The following CCNK variants were observed in gnomAD, a reference collection of about 807,000 sequenced individuals.
CCNK encodes cyclin-K.
Under a neutral mutation model 65.0 loss-of-function variants are expected in CCNK, and 9 were observed. The observed-to-expected ratio is 0.14, with a 90% CI of 0.08 to 0.24. The LOEUF (loss-of-function observed/expected upper bound fraction) is 0.24, where lower values mean the gene tolerates loss of function less well. Among genes scored for constraint, CCNK ranks in the 10% least tolerant of loss-of-function variants. CCNK has a pLI of 1.00. For synonymous variants in CCNK, 279 were observed against 270.8 expected (o/e 1.03, Z -0.30); for missense variants, 474 against 720.0 (o/e 0.66, Z 3.91).
intron 10 of CCNK, chr14:99,507,438 A>T (rs1459870399): frequency 9.9e-6 from 4 of 402,560 alleles, no homozygotes; most frequent in Non-Finnish European, 1.9e-5. Context: ...GGTAGCACAC[A>T]CCTGTAGTCC....
At chr14:99,481,853 A>T (rs977739419) in intron 1 of CCNK, among the ~76,000 whole-genome samples, 1 of 152,262 alleles carries the variant, frequency 6.6e-6, no homozygotes, top group South Asian at 2.1e-4. Context: ...TTCGCGGCGT[A>T]TTAGTCCCAA....
At chr14:99,489,179 G>A (rs989493020) in intron 1 of CCNK, among the ~76,000 whole-genome samples, 3 of 151,976 alleles carry the variant, frequency 2.0e-5, no homozygotes, top group African/African-American at 7.3e-5. Flanking sequence ...TTCAGTTAAA[G>A]TTTAACATTA....
Position 99,511,069 on chromosome 14 carries a change from C to T in CCNK, c.*287C>T, listed in dbSNP as rs910314656. 3.7e-6 allele frequency: 1 copy of T among 271,296 alleles called. No homozygotes were observed. The highest frequency in any genetic ancestry group is 6.9e-6 in the Non-Finnish European group (1 of 145,424). 16.8% of individuals were successfully genotyped at this position (271,296 alleles called of 1,614,324 possible). A position where few individuals can be genotyped will look rare whatever the true frequency, so the allele number is the denominator to read the frequency against. On this transcript the variant is annotated 3_prime_UTR_variant, in exon 11 of 11. Transcript: ENST00000389879. The stretch of plus-strand genomic sequence containing the variant: ...CTGGGTTACTTTATACTAGTGAGGA[C>T]GTTAACCAGCCATATTGGCTCAATA...
chr14:99,509,919 G>C, intron 10 of CCNK: 1 of 589,914 alleles, frequency 1.7e-6, no homozygotes, highest in Non-Finnish European at 3.0e-6. Context: ...GGTGTGGTCA[G>C]GGCTGAGGGA....
At chr14:99,503,783 G>T in intron 9 of CCNK, 139 bp downstream of exon 9, 1 of 683,522 alleles carries the variant, frequency 1.5e-6, no homozygotes, top group Non-Finnish European at 2.5e-6. Context: ...TTTTCCATCA[G>T]CATTGTCTTT....
intron 1 of CCNK, among the ~76,000 whole-genome samples, chr14:99,490,860 G>C (rs934093760): frequency 6.6e-6 from 1 of 151,318 alleles, no homozygotes; most frequent in Non-Finnish European, 1.5e-5. Context: ...CCCAGGAGGT[G>C]GAGCTTGCAG....
chr14:99,496,788 C>T (rs1412262965), intron 4 of CCNK, among the ~76,000 whole-genome samples: 2 of 151,516 alleles, frequency 1.3e-5, no homozygotes, highest in African/African-American at 4.9e-5. Context: ...TGGCACGCAC[C>T]TGTAGTCCCA....
Position 99,510,251 on chromosome 14 carries a change from G to A in CCNK, c.1212G>A (p.Pro404=), listed in dbSNP as rs1412248713. ...TDLPKVQIPP[P]AHPAPVHQPP... ...TCCCCAAAGTCCAGATTCCCCCTCC[G>A]GCCCACCCGGCCCCTGTGCACCAGC... Residue 404 remains proline, a synonymous_variant, in exon 11 of 11, where the codon CCG becomes CCA. Coordinates refer to ENST00000389879, the MANE Select transcript of CCNK (RefSeq NM_001099402.2). The A allele has an allele frequency of 1.5e-5, 22 of 1,503,632 alleles. No individual in the cohort carries two copies. The highest frequency in any genetic ancestry group is 2.4e-5 in the South Asian group (2 of 82,466). 93.1% of individuals were successfully genotyped at this position (1,503,632 alleles called of 1,614,324 possible).
intron 3 of CCNK, chr14:99,494,006 C>A: frequency 6.4e-6 from 1 of 157,340 alleles, no homozygotes; most frequent in Admixed American, 6.3e-5. Context: ...AGCTTTCAGT[C>A]CAGGATAAGT....
intron 1 of CCNK, among the ~76,000 whole-genome samples, chr14:99,486,825 G>T (rs775500612): frequency 2.6e-5 from 4 of 152,050 alleles, no homozygotes; most frequent in Non-Finnish European, 5.9e-5. Flanking sequence ...TCCTCTTTCT[G>T]CATACCTCTA....
Position 99,503,022 on chromosome 14 carries a change from T to C in CCNK, c.1011+38T>C, listed in dbSNP as rs780030047. Reference sequence around the variant, plus strand: ...AAGCAGGCCCTGGGTAGAGCAGGCTTTCCAGGTGGCGGCAACACCTGAGCA... The same window carrying C: ...AAGCAGGCCCTGGGTAGAGCAGGCTCTCCAGGTGGCGGCAACACCTGAGCA... On this transcript the variant is annotated intron_variant, in intron 8 of 10. Coordinates refer to ENST00000389879, the MANE Select transcript of CCNK (RefSeq NM_001099402.2). 8 of 1,611,024 alleles carry C rather than the reference T, an allele frequency of 5.0e-6. No individual in the cohort carries two copies. In the South Asian group the frequency reaches 7.7e-5, roughly 15 times the overall value.
rs935202664 is a variant in CCNK, at chr14:99,512,008, A to C, written c.*1226A>C. ...GCCTGCTGACCCTGCCACCCACGAC[A>C]GAAACAAGCACTGAGCACCCAGCCA... On this transcript the variant is annotated 3_prime_UTR_variant, in exon 11 of 11. Coordinates refer to ENST00000389879, the MANE Select transcript of CCNK (RefSeq NM_001099402.2). 1 of 152,412 alleles carries C rather than the reference A, an allele frequency of 6.6e-6. No individual in the cohort carries two copies. The highest frequency in any genetic ancestry group is 1.9e-4 in the East Asian group (1 of 5,188). 9.4% of individuals were successfully genotyped at this position (152,412 alleles called of 1,614,324 possible).
intron 9 of CCNK, chr14:99,503,959 A>C: frequency 2.2e-5 from 8 of 365,354 alleles, no homozygotes; most frequent in East Asian, 1.4e-4. Context: ...ATTTACCCCC[A>C]TCACAGCAGC....
chr14:99,488,974 T>C (rs1896547079), intron 1 of CCNK, among the ~76,000 whole-genome samples: 1 of 151,944 alleles, frequency 6.6e-6, no homozygotes, highest in Non-Finnish European at 1.5e-5. Context: ...TTGATAAGCT[T>C]TGATTAGTCT....
At chr14:99,507,964 A>G (rs965240252) in intron 10 of CCNK, 1 of 152,238 alleles carries the variant, frequency 6.6e-6, no homozygotes, top group African/African-American at 2.4e-5. Context: ...GTGATGCGCT[A>G]GAGAAGGCCA....
At chr14:99,482,868 G>A (rs914563534) in intron 1 of CCNK, among the ~76,000 whole-genome samples, 1 of 152,184 alleles carries the variant, frequency 6.6e-6, no homozygotes, top group Non-Finnish European at 1.5e-5. Context: ...ACTCTGCTGA[G>A]TGTCTGAAAG....
rs1897116074 is a variant in CCNK at position 99,510,933 on chromosome 14, G to A, written c.*151G>A. On this transcript the variant is annotated 3_prime_UTR_variant, in exon 11 of 11. Coordinates refer to ENST00000389879, the MANE Select transcript of CCNK (RefSeq NM_001099402.2). ...ACCGGGCCCCTGGGATAAAATCAGA[G>A]TGGTCCTCACACCTAGAGGACGGGG... The A allele has an allele frequency of 1.5e-6, 1 of 648,070 alleles. No individual in the cohort carries two copies. The highest frequency in any genetic ancestry group is 2.3e-6 in the Non-Finnish European group (1 of 443,112). 40.1% of individuals were successfully genotyped at this position (648,070 alleles called of 1,614,324 possible). A position where few individuals can be genotyped will look rare whatever the true frequency, so the allele number is the denominator to read the frequency against.
At chr14:99,501,488 C>T (rs1229287292) in intron 6 of CCNK, 75 bp downstream of exon 6, 45 of 1,019,904 alleles carry the variant, frequency 4.4e-5, no homozygotes, top group Non-Finnish European at 6.7e-5. Context: ...TTCATCTAAA[C>T]CCCTCATTTT....
rs760982066 is a variant in CCNK, at chr14:99,497,623, A to G, written c.411+1994A>G. On this transcript the variant is annotated intron_variant, in intron 4 of 10. Coordinates refer to ENST00000389879, the MANE Select transcript of CCNK (RefSeq NM_001099402.2). ...AAAGCGATGAAGTTCAGCCCCATTC[A>G]TGGTGTTGTTTTTCCTAACTAGCTT... 3.3e-5 allele frequency among the ~76,000 whole-genome samples: 5 copies of G among 152,352 alleles called. No homozygotes were observed. The South Asian group carries it at 6.2e-4, about 19-fold the overall frequency.
Sources: allele counts gnomAD v4.1 joint callset (sites outside exome capture counted in the v4.1 genomes callset), GRCh38; gene constraint gnomAD v4.1.1; transcripts MANE v1.5; gene names NCBI Gene and HGNC (gene_info 2026-07-23, HGNC 2026-07-21).